Variants in LRRC28 observed in about 807,000 individuals in gnomAD.
LRRC28 encodes leucine-rich repeat-containing protein 28.
Under a neutral mutation model 45.7 loss-of-function variants are expected in LRRC28, and 39 were observed. The observed-to-expected ratio is 0.85, with a 90% CI of 0.66 to 1.12. The LOEUF (loss-of-function observed/expected upper bound fraction) is 1.12. LRRC28 is among the 50% of genes most tolerant of loss of function. The pLI, the probability that LRRC28 is intolerant of heterozygous loss-of-function variation, is 0.00. For synonymous variants in LRRC28, 206 were observed against 178.8 expected (o/e 1.15, Z -1.22); for missense variants, 435 against 438.5 (o/e 0.99, Z 0.07).
intron 3 of LRRC28, chr15:99,286,686 T>G (rs2081968693): frequency 6.6e-6 from 1 of 152,382 alleles, no homozygotes; most frequent in African/African-American, 2.4e-5. Context: ...AAAAAGATTT[T>G]TTAAGAGAAG....
intron 5 of LRRC28, among the ~76,000 whole-genome samples, chr15:99,327,071 TG>T (rs1265065295): frequency 1.3e-5 from 2 of 151,954 alleles, no homozygotes; most frequent in Non-Finnish European, 2.9e-5. Context: ...GAATTCAGTT[TG>T]TTTTTTTTTA....
chr15:99,369,115 A>G (rs1421645885), intron 9 of LRRC28, among the ~76,000 whole-genome samples: 1 of 152,200 alleles, frequency 6.6e-6, no homozygotes, highest in Non-Finnish European at 1.5e-5. Context: ...CCTCACCAGA[A>G]GCATCTTTAA....
chr15:99,312,566 A>G (rs1026611648), intron 5 of LRRC28, among the ~76,000 whole-genome samples: 1 of 152,322 alleles, frequency 6.6e-6, no homozygotes, highest in Non-Finnish European at 1.5e-5. Flanking sequence ...AATAAAAAGT[A>G]TAGTCTAATT....
intron 5 of LRRC28, among the ~76,000 whole-genome samples, chr15:99,307,691 C>T (rs1382949485): frequency 6.6e-6 from 1 of 152,230 alleles, no homozygotes; most frequent in African/African-American, 2.4e-5. Context: ...TCCATGAAGA[C>T]TGGCTCATTG....
At chr15:99,375,578 C>A (rs1459483899) in intron 9 of LRRC28, among the ~76,000 whole-genome samples, 6 of 152,108 alleles carry the variant, frequency 3.9e-5, no homozygotes, top group African/African-American at 1.4e-4. Flanking sequence ...TGTTAGAATT[C>A]TCCAGTGAAA....
At chr15:99,288,839 C>G (rs1271605545) in intron 5 of LRRC28, among the ~76,000 whole-genome samples, 1 of 152,088 alleles carries the variant, frequency 6.6e-6, no homozygotes. Flanking sequence ...GAAGCCATGC[C>G]TGGCTAATTT....
rs1393931075 is a variant in LRRC28 at position 99,387,268 on chromosome 15, G to T, written c.*1166G>T. ...GTAGAGACGGGGTTTCACCGTGTTA[G>T]CCGGGATGGTCTCGATCTCCTGACC... On this transcript the variant is annotated 3_prime_UTR_variant, in exon 10 of 10. Transcript: ENST00000301981. 1.3e-5 allele frequency: 2 copies of T among 151,536 alleles called. No homozygotes were observed. The highest frequency in any genetic ancestry group is 2.9e-5 in the Non-Finnish European group (2 of 67,918). 9.4% of individuals were successfully genotyped at this position (151,536 alleles called of 1,614,324 possible). A position where few individuals can be genotyped will look rare whatever the true frequency, so the allele number is the denominator to read the frequency against.
rs763247364 is a variant in LRRC28 at position 99,256,009 on chromosome 15, A to G, written c.52A>G (p.Lys18Glu). 2.0e-5 allele frequency: 33 copies of G among 1,613,362 alleles called. No homozygotes were observed. Among genetic ancestry groups the G allele is most frequent in the Non-Finnish European group, 2.8e-5 (33 of 1,180,012 alleles). ...CTCTGTGGCAAGGCTAGAAAAGCAC[A>G]AGAATTTGTTCTTAAATTATAGGAA... ...TISVARLEKH[K>E]NLFLNYRNLH... The change falls in exon 2 of 10, where the codon AAG becomes GAG. Residue 18 changes from lysine (K) to glutamate (E), a missense_variant. Physicochemically the swap from Lys to Glu is moderately conservative, Grantham distance 56. Transcript: ENST00000301981.
At chr15:99,286,517 A>G (rs2081964628) in intron 3 of LRRC28, among the ~76,000 whole-genome samples, 2 of 152,196 alleles carry the variant, frequency 1.3e-5, no homozygotes, top group Admixed American at 6.5e-5. Context: ...AATGATATAA[A>G]TTTATTTTCT....
intron 5 of LRRC28, among the ~76,000 whole-genome samples, chr15:99,316,036 CTT>C (rs1955580988): frequency 6.6e-6 from 1 of 152,140 alleles, no homozygotes; most frequent in Admixed American, 6.6e-5. Context: ...AAATTAACAA[CTT>C]TTGTGTGCTA....
intron 9 of LRRC28, chr15:99,384,569 G>A (rs1184127096): frequency 1.3e-5 from 2 of 152,162 alleles, no homozygotes; most frequent in Non-Finnish European, 2.9e-5. Flanking sequence ...AAGGCACTAA[G>A]CTTATTGTTT....
intron 2 of LRRC28, among the ~76,000 whole-genome samples, chr15:99,272,564 A>C (rs945692681): frequency 1.3e-5 from 2 of 152,258 alleles, no homozygotes; most frequent in African/African-American, 2.4e-5. Context: ...ATTTTAAAAC[A>C]TTCCCATTTA....
chr15:99,341,654 C>A (rs1054455946), intron 6 of LRRC28, among the ~76,000 whole-genome samples: 1 of 152,032 alleles, frequency 6.6e-6, no homozygotes, highest in Non-Finnish European at 1.5e-5. Context: ...GAAAGTGAGC[C>A]CTGTTCTCCC....
At chr15:99,273,228 GT>G (rs202131176) in intron 2 of LRRC28, among the ~76,000 whole-genome samples, 3 of 150,840 alleles carry the variant, frequency 2.0e-5, no homozygotes, top group East Asian at 2.0e-4. Context: ...TGTGTGGTGT[GT>G]TTTTTTTTGT....
chr15:99,263,154 CA>C (rs68042511), intron 2 of LRRC28, among the ~76,000 whole-genome samples: 85,519 of 133,826 alleles, frequency 0.64, 26,485 homozygotes, highest in Middle Eastern at 0.75. Flanking sequence ...ATAAAAAATA[CA>C]AAAAAAAAAA....
chr15:99,290,573 T>C (rs1177434365), intron 5 of LRRC28, among the ~76,000 whole-genome samples: 2 of 152,188 alleles, frequency 1.3e-5, no homozygotes, highest in African/African-American at 4.8e-5. Flanking sequence ...TATATGAAAC[T>C]TACATAAGAT....
chr15:99,380,404 A>G (rs530985071), intron 9 of LRRC28, among the ~76,000 whole-genome samples: 2 of 152,070 alleles, frequency 1.3e-5, no homozygotes, highest in African/African-American at 2.4e-5. Flanking sequence ...ATCTTCCTCC[A>G]TCCCTTTATT....
At chr15:99,347,822 A>G (rs1305584872) in intron 6 of LRRC28, among the ~76,000 whole-genome samples, 1 of 152,136 alleles carries the variant, frequency 6.6e-6, no homozygotes, top group African/African-American at 2.4e-5. Flanking sequence ...GTCATGTGGT[A>G]GTTCTATTTT....
At chr15:99,360,305 C>T (rs533807711) in intron 7 of LRRC28, among the ~76,000 whole-genome samples, 1 of 152,186 alleles carries the variant, frequency 6.6e-6, no homozygotes, top group Non-Finnish European at 1.5e-5. Context: ...AACATTAAGT[C>T]AGATATTGTC....
Sources: gnomAD v4.1 joint callset for allele counts (sites outside exome capture counted in the v4.1 genomes callset) on GRCh38, gnomAD v4.1.1 for gene constraint, MANE v1.5 for transcripts, NCBI Gene and HGNC (gene_info 2026-07-23, HGNC 2026-07-21) for gene names.